SLC44A4: variants seen among roughly 807,000 people sequenced by gnomAD.
SLC44A4 encodes choline transporter-like protein 4.
SLC44A4 carries 74 observed loss-of-function variants against 97.0 expected under a neutral mutation model. That is an observed-to-expected ratio of 0.76 (90% CI 0.63 to 0.93). SLC44A4 has a LOEUF of 0.93. Among genes scored for constraint, SLC44A4 ranks in the 40% least tolerant of loss-of-function variants. The pLI is 0.00. For missense variants in SLC44A4, 799 were observed against 902.9 expected (o/e 0.88, Z 1.48); for synonymous variants, 325 against 363.8 (o/e 0.89, Z 1.21).
chr6:31,870,551 T>TAGGTCC, intron 11 of SLC44A4, 52 bp downstream of exon 11: 1 of 1,470,202 alleles, frequency 6.8e-7, no homozygotes, highest in East Asian at 2.5e-5. Flanking sequence ...CCCCTAGCAC[T>TAGGTCC]CCTGGGTCCA....
At position 31,876,631 on chromosome 6, in the gene SLC44A4, C is replaced by G. The variant is rs189222245; in HGVS notation, c.89+403G>C. Among the ~76,000 whole-genome samples the G allele has an allele frequency of 2.6e-4, 39 of 152,174 alleles. No individual in the cohort carries two copies. The highest frequency in any genetic ancestry group is 8.5e-4 in the Admixed American group (13 of 15,304). On this transcript the variant is annotated intron_variant, in intron 2 of 20. Transcript: ENST00000229729. The surrounding 1 kb of genome is among the most constrained non-coding windows in gnomAD (Gnocchi z 4.8). ...GTGCATGCCTGTAGTCCCAGCTACT[C>G]GGAAGGCTAGGGCAGGAGGATCACT... is the stretch of plus-strand genomic sequence containing the variant.
In SLC44A4 at chr6:31,863,429, G is replaced by A. The variant is rs188172971; in HGVS notation, c.*198C>T. ...TTAATAGAGACGGAGGTTTCACCAT[G>A]TTGGCCAGGCTGGTCTCGAACTCCT... On this transcript the variant is annotated 3_prime_UTR_variant, in exon 21 of 21. Transcript: ENST00000229729. The A allele has an allele frequency of 8.9e-4, 560 of 631,906 alleles. 4 individuals are homozygous for A. The African/African-American group carries it at 9.3e-3, about 11-fold the overall frequency. The allele number at this position is 631,906 out of a possible 1,614,324, so 39.1% of individuals were successfully genotyped here.
chr6:31,870,497 T>C lies in SLC44A4; in HGVS notation c.1037+106A>G, dbSNP rs1261109628. The C allele has an allele frequency of 1.2e-5, 10 of 855,312 alleles. No homozygotes were observed. The Admixed American group carries it at 2.2e-4, about 19-fold the overall frequency. The allele number at this position is 855,312 out of a possible 1,614,324, so 53.0% of individuals were successfully genotyped here. A position where few individuals can be genotyped will look rare whatever the true frequency, so the allele number is the denominator to read the frequency against. On this transcript the variant is annotated intron_variant, in intron 11 of 20. Coordinates refer to ENST00000229729, the MANE Select transcript of SLC44A4 (RefSeq NM_025257.3). ...TTCACCACTGTGCTATATTCCTCCC[T>C]TCTCCTCTGAGGCTCCCTGCCACCT... is the stretch of plus-strand genomic sequence containing the variant.
chr6:31,865,944 G>A lies in SLC44A4; in HGVS notation c.1416C>T (p.Phe472=). The A allele has an allele frequency of 1.2e-6, 2 of 1,614,216 alleles. No homozygotes were observed. The highest frequency in any genetic ancestry group is 1.7e-6 in the Non-Finnish European group (2 of 1,180,034). Residue 472 remains phenylalanine, a synonymous_variant, in exon 14 of 21, where the codon TTC becomes TTT. Transcript: ENST00000229729. The surrounding 1 kb of genome is among the most constrained non-coding windows in gnomAD (Gnocchi z 5.2). ...QCVLAGAFAS[F]YWAFHKPQDI... is the part of the protein sequence containing the mutation. Reference sequence around the variant, plus strand: ...CCTGGGGCTTGTGGAAGGCCCAGTAGAAGGAGGCAAAGGCTCCAGCGAGGA... The same window carrying A: ...CCTGGGGCTTGTGGAAGGCCCAGTAAAAGGAGGCAAAGGCTCCAGCGAGGA...
At chr6:31,873,872 A>C (rs1763304105) in intron 7 of SLC44A4, among the ~76,000 whole-genome samples, 1 of 152,094 alleles carries the variant, frequency 6.6e-6, no homozygotes, top group Non-Finnish European at 1.5e-5. Flanking sequence ...TAGGAGTTCA[A>C]GACCAGCTTG....
In SLC44A4 at chr6:31,863,748, A is replaced by T. The variant is rs1264856990; in HGVS notation, c.2012T>A (p.Leu671Gln). 6.2e-7 allele frequency: 1 copy of T among 1,612,416 alleles called. No homozygotes were observed. Among genetic ancestry groups the T allele is most frequent in the Non-Finnish European group, 8.5e-7 (1 of 1,179,844 alleles). Residue 671 changes from leucine (L) to glutamine (Q), a missense_variant and splice_region_variant, in exon 21 of 21, where the codon CTG becomes CAG. This residue lies in a region of SLC44A4 where 379 missense variants were observed against 438.3 expected (regional missense o/e 0.86). Coordinates refer to ENST00000229729, the MANE Select transcript of SLC44A4 (RefSeq NM_025257.3). ...GCCGTTGTTCCGCTCCAGGTCTTCC[A>T]CTGAGCCGCAACAGAGACCGGTTAG... is the stretch of plus-strand genomic sequence containing the variant. ...MCVDTLFLCF[L>Q]EDLERNNGSL...
At position 31,871,541 on chromosome 6, in the gene SLC44A4, A is replaced by G. The variant is rs369132420; in HGVS notation, c.550T>C (p.Trp184Arg). The change falls in exon 8 of 21, where the codon TGG (tryptophan) becomes CGG (arginine). Residue 184 changes from tryptophan (W) to arginine (R), a missense_variant. Physicochemically the swap from Trp to Arg is moderately radical, Grantham distance 101. This residue lies in a region of SLC44A4 where 409 missense variants were observed against 434.1 expected (regional missense o/e 0.94). Coordinates refer to ENST00000229729, the MANE Select transcript of SLC44A4 (RefSeq NM_025257.3). ...SAPALGRCFP[W>R]TNVTPPALPG... ...AGCGCCGGTGGAGTAACGTTGGTCC[A>G]TGGAAAGCAGCGCCCCAGAGCTGGA... 3.1e-6 allele frequency: 5 copies of G among 1,613,674 alleles called. No individual in the cohort carries two copies. In the African/African-American group the frequency reaches 4.0e-5, roughly 13 times the overall value.
chr6:31,868,386 T>C (rs1018337920), intron 13 of SLC44A4, among the ~76,000 whole-genome samples: 2 of 152,222 alleles, frequency 1.3e-5, no homozygotes, highest in African/African-American at 4.8e-5. Context: ...TGAGCTCTTA[T>C]CAGGTGCCAG....
Position 31,866,164 on chromosome 6 carries a change from C to T in SLC44A4, c.1234-38G>A, listed in dbSNP as rs757692139. ...ACGGGGATAGAGTAGGCTCAGGCAT[C>T]GGGGGCCTCAGTATGGAGCCTGGGC... On this transcript the variant is annotated intron_variant, in intron 13 of 20. Coordinates refer to ENST00000229729, the MANE Select transcript of SLC44A4 (RefSeq NM_025257.3). 1.3e-5 allele frequency: 21 copies of T among 1,605,626 alleles called. 1 individual carries two copies. In the Admixed American group the frequency reaches 2.7e-4, roughly 21 times the overall value.
At chr6:31,875,177 T>G (rs1429777417) in intron 4 of SLC44A4, 149 bp from the exon 5 acceptor site, 1 of 624,730 alleles carries the variant, frequency 1.6e-6, no homozygotes, top group African/African-American at 1.8e-5. Flanking sequence ...CTAGCTCAGC[T>G]GGGGAGGTAG....
intron 13 of SLC44A4, 144 bp from the exon 14 acceptor site, chr6:31,866,270 G>T: frequency 9.2e-7 from 1 of 1,092,208 alleles, no homozygotes; most frequent in African/African-American, 1.6e-5. Flanking sequence ...ATCAAGTTCT[G>T]TCGGAGAGTT....
At chr6:31,870,438 AT>A (rs1763092974) in intron 11 of SLC44A4, among the ~76,000 whole-genome samples, 164 bp downstream of exon 11, 1 of 152,048 alleles carries the variant, frequency 6.6e-6, no homozygotes, top group South Asian at 2.1e-4. Flanking sequence ...TGTTACCCCC[AT>A]TTTACAGATG....
At position 31,863,564 on chromosome 6, in the gene SLC44A4, G is replaced by A. The variant is rs1762667480; in HGVS notation, c.*63C>T. On this transcript the variant is annotated 3_prime_UTR_variant, in exon 21 of 21. Transcript: ENST00000229729. ...ACCACAAAATGGAGACCTGTAAGGC[G>A]AAGTGAGGTTGGATGGCTGGACGGT... The A allele has an allele frequency of 6.4e-7, 1 of 1,558,664 alleles. No homozygotes were observed. Among genetic ancestry groups the A allele is most frequent in the African/African-American group, 1.4e-5 (1 of 71,640 alleles).
rs920991571 is a variant in SLC44A4, at chr6:31,865,794, G to A, written c.1488-10C>T. 2.5e-6 allele frequency: 4 copies of A among 1,613,708 alleles called. No homozygotes were observed. The African/African-American group carries it at 4.0e-5, about 16-fold the overall frequency. On this transcript the variant is annotated splice_polypyrimidine_tract_variant and intron_variant, in intron 14 of 20. Coordinates refer to ENST00000229729, the MANE Select transcript of SLC44A4 (RefSeq NM_025257.3). The surrounding 1 kb of genome is among the most constrained non-coding windows in gnomAD (Gnocchi z 5.2). The stretch of plus-strand genomic sequence containing the variant: ...TGACCCAGTGTGGTAACTGCAGAGG[G>A]TGTTATGCAGTCAGAGACAGCTCCA...
In SLC44A4 at chr6:31,877,478, A is replaced by G; in HGVS notation, c.41-396T>C. The G allele has an allele frequency of 2.1e-6, 1 of 482,354 alleles. No homozygotes were observed. The highest frequency in any genetic ancestry group is 2.9e-6 in the Non-Finnish European group (1 of 348,356). The allele number at this position is 482,354 out of a possible 1,614,324, so 29.9% of individuals were successfully genotyped here. A position where few individuals can be genotyped will look rare whatever the true frequency, so the allele number is the denominator to read the frequency against. On this transcript the variant is annotated intron_variant, in intron 1 of 20. Coordinates refer to ENST00000229729, the MANE Select transcript of SLC44A4 (RefSeq NM_025257.3). This position sits in a 1 kb window ranked among gnomAD's most constrained non-coding sequence, Gnocchi z 6.5. ...TCATTCTCATCCCTGCCTCCTCCCT[A>G]ATCCCTCCCCAGGGACCACACAGAC...
In SLC44A4 at chr6:31,869,549, C is replaced by G; in HGVS notation, c.1126G>C (p.Ala376Pro). 1.2e-6 allele frequency: 2 copies of G among 1,600,490 alleles called. No homozygotes were observed. The highest frequency in any genetic ancestry group is 1.7e-6 in the Non-Finnish European group (2 of 1,174,192). ...LICIAYWAMT[A>P]LYLATSGQPQ... ...GGCTGCGTGGGCAGAGGATACAGAG[C>G]AGTCATGGCCCAGTAGGCAATGCAG... Residue 376 changes from alanine (A) to proline (P), a missense_variant, in exon 12 of 21, where the codon GCT becomes CCT. Transcript: ENST00000229729.
At position 31,878,805 on chromosome 6, in the gene SLC44A4, C is replaced by T. The variant is rs1763603687; in HGVS notation, c.40+136G>A. ...ACCCTGACTCCCTCCCTCCATGGCT[C>T]CCGGTTCCCGGGCCCTCCCCTCAGG... On this transcript the variant is annotated intron_variant, in intron 1 of 20. Transcript: ENST00000229729. This position sits in a 1 kb window ranked among gnomAD's most constrained non-coding sequence, Gnocchi z 4.0. 1.9e-6 allele frequency: 2 copies of T among 1,080,448 alleles called. No individual in the cohort carries two copies. The highest frequency in any genetic ancestry group is 2.6e-5 in the South Asian group (2 of 76,162). 66.9% of individuals were successfully genotyped at this position (1,080,448 alleles called of 1,614,324 possible). A position where few individuals can be genotyped will look rare whatever the true frequency, so the allele number is the denominator to read the frequency against.
At chr6:31,869,981 TC>T (rs1763069716) in intron 11 of SLC44A4, among the ~76,000 whole-genome samples, 1 of 89,988 alleles carries the variant, frequency 1.1e-5, no homozygotes, top group Admixed American at 1.2e-4. Context: ...CGAGACTCCG[TC>T]TCAAAAAAAA....
In SLC44A4 at chr6:31,877,183, T is replaced by C; in HGVS notation, c.41-101A>G. Reference sequence around the variant, plus strand: ...AGGATCCTACCCAGGCCTCAGGTGTTTGGAGGGAGATGGGCTAGGGCAGGA... The same window carrying C: ...AGGATCCTACCCAGGCCTCAGGTGTCTGGAGGGAGATGGGCTAGGGCAGGA... On this transcript the variant is annotated intron_variant, in intron 1 of 20. Transcript: ENST00000229729. The surrounding 1 kb of genome is among the most constrained non-coding windows in gnomAD (Gnocchi z 6.5). The C allele has an allele frequency of 1.6e-6, 2 of 1,260,818 alleles. No individual in the cohort carries two copies. Among genetic ancestry groups the C allele is most frequent in the Non-Finnish European group, 2.2e-6 (2 of 892,326 alleles). The allele number at this position is 1,260,818 out of a possible 1,614,324, so 78.1% of individuals were successfully genotyped here.
Sources: gnomAD v4.1 joint callset for allele counts (sites outside exome capture counted in the v4.1 genomes callset) on GRCh38, gnomAD v4.1.1 for gene constraint, gnomAD v4.1.1 regional missense constraint, Gnocchi (gnomAD v3.1) non-coding constraint, MANE v1.5 for transcripts, NCBI Gene and HGNC (gene_info 2026-07-23, HGNC 2026-07-21) for gene names.